PDE7B: variants seen among roughly 807,000 people sequenced by gnomAD.
PDE7B encodes 3',5'-cyclic-AMP phosphodiesterase 7B.
In PDE7B, 29 loss-of-function variants were observed where a neutral mutation model predicts 56.2. The ratio of observed to expected loss-of-function variants is 0.52; its 90% CI spans 0.38 to 0.70. The LOEUF (loss-of-function observed/expected upper bound fraction) is 0.70. PDE7B is among the 30% of genes least tolerant of loss of function. The pLI is 0.00. For synonymous variants in PDE7B, 197 were observed against 196.9 expected, an observed-to-expected ratio of 1.00 and a Z score of 0.00; for missense variants, 490 against 565.0, an observed-to-expected ratio of 0.87 and a Z score of 1.35.
intron 2 of PDE7B, among the ~76,000 whole-genome samples, chr6:136,071,755 T>A (rs777693482): frequency 4.6e-5 from 7 of 152,164 alleles, no homozygotes; most frequent in Non-Finnish European, 8.8e-5. Flanking sequence ...ATCACACCAC[T>A]GCACTCCAGC....
rs555660145 is a variant in PDE7B at position 136,077,036 on chromosome 6, C to A, written c.83-31695C>A. 3.0e-4 allele frequency among the ~76,000 whole-genome samples: 45 copies of A among 149,926 alleles called. No homozygotes were observed. In the South Asian group the frequency reaches 9.3e-3, roughly 31 times the overall value. ...TGTCAATTTCTTTCTTCTTATGTAC[C>A]CTGTGCCAGGGAGCCTGGAGGATGT... On this transcript the variant is annotated intron_variant, in intron 2 of 12. Coordinates refer to ENST00000308191, the MANE Select transcript of PDE7B (RefSeq NM_018945.4).
At chr6:135,963,820 T>C (rs1774947213) in intron 2 of PDE7B, among the ~76,000 whole-genome samples, 1 of 152,204 alleles carries the variant, frequency 6.6e-6, no homozygotes, top group South Asian at 2.1e-4. Flanking sequence ...TTTTTTCTAT[T>C]TTTAATGAAG....
intron 1 of PDE7B, among the ~76,000 whole-genome samples, chr6:135,921,364 A>G (rs796783280): frequency 9.2e-5 from 14 of 152,280 alleles, no homozygotes; most frequent in African/African-American, 3.1e-4. Context: ...CGATGAAAGA[A>G]CCCAACAGGC....
chr6:135,869,412 A>T (rs528214759), intron 1 of PDE7B, among the ~76,000 whole-genome samples: 1 of 152,308 alleles, frequency 6.6e-6, no homozygotes, highest in Non-Finnish European at 1.5e-5. Context: ...CCCCATCTTG[A>T]AGAACAAACT....
intron 2 of PDE7B, among the ~76,000 whole-genome samples, chr6:136,105,856 C>T (rs367969356): frequency 3.9e-5 from 6 of 152,276 alleles, no homozygotes; most frequent in Admixed American, 2.6e-4. Flanking sequence ...AATGGGCCTC[C>T]GCTGCCCTAG....
At chr6:136,186,544 G>A (rs1198062965) in intron 11 of PDE7B, among the ~76,000 whole-genome samples, 1 of 152,150 alleles carries the variant, frequency 6.6e-6, no homozygotes, top group Non-Finnish European at 1.5e-5. Flanking sequence ...TGGTTACAGA[G>A]TGAGGTGCTA....
intron 1 of PDE7B, among the ~76,000 whole-genome samples, chr6:135,856,743 A>T (rs1405903001): frequency 6.6e-6 from 1 of 152,226 alleles, no homozygotes; most frequent in Non-Finnish European, 1.5e-5. Context: ...AAACCTAAAA[A>T]CAACGTAACA....
In PDE7B at chr6:135,935,196, A is replaced by ATATATATT. The variant is rs1265545848; in HGVS notation, c.22-12261_22-12260insTTATATAT. On this transcript the variant is annotated intron_variant, in intron 1 of 12. Transcript: ENST00000308191. ...TTTATATATATATATTTATTTATAT[A>ATATATATT]TATATATATATATATATATATTTTC... Among the ~76,000 whole-genome samples the ATATATATT allele has an allele frequency of 3.8e-5, 3 of 79,446 alleles. 1 individual carries two copies. The highest frequency in any genetic ancestry group is 3.3e-4 in the Admixed American group (2 of 6,096). 52.1% of individuals were successfully genotyped at this position (79,446 alleles called of 152,430 possible).
intron 1 of PDE7B, among the ~76,000 whole-genome samples, chr6:135,857,044 CCCTCCCTCCCTT>C (rs1775046560): frequency 4.9e-5 from 3 of 61,010 alleles, no homozygotes; most frequent in Admixed American, 3.5e-4. Flanking sequence ...CTCCCTCCCT[CCCTCCCTCCCTT>C]CCTTCCTCCC....
At chr6:136,040,071 C>A (rs941780192) in intron 2 of PDE7B, among the ~76,000 whole-genome samples, 3 of 152,088 alleles carry the variant, frequency 2.0e-5, no homozygotes, top group African/African-American at 7.2e-5. Context: ...ACTCCTGTAG[C>A]TTCTTATTAC....
chr6:135,873,628 T>C (rs1775432534), intron 1 of PDE7B, among the ~76,000 whole-genome samples: 1 of 152,132 alleles, frequency 6.6e-6, no homozygotes, highest in Non-Finnish European at 1.5e-5. Flanking sequence ...ATTGTTTTTA[T>C]CTTCATTGTG....
At position 136,123,089 on chromosome 6, in the gene PDE7B, G is replaced by A. The variant is rs551947026; in HGVS notation, c.166+14275G>A. Among the ~76,000 whole-genome samples the A allele has an allele frequency of 3.8e-4, 8 of 21,294 alleles. No individual in the cohort carries two copies. The South Asian group carries it at 0.011, about 30-fold the overall frequency. The allele number at this position is 21,294 out of a possible 152,430, so 14.0% of individuals were successfully genotyped here. On this transcript the variant is annotated intron_variant, in intron 3 of 12. Coordinates refer to ENST00000308191, the MANE Select transcript of PDE7B (RefSeq NM_018945.4). ...AAAGGCCTCTTCTCCATCTAGGTGC[G>A]GTGGCTAATCCCGCACTTTGGGAGG...
At chr6:136,034,315 G>C (rs980411227) in intron 2 of PDE7B, 1 of 152,086 alleles carries the variant, frequency 6.6e-6, no homozygotes, top group Non-Finnish European at 1.5e-5. Context: ...CATAATCCAG[G>C]TTCTAAATCA....
intron 2 of PDE7B, among the ~76,000 whole-genome samples, chr6:135,974,520 G>A (rs1046007695): frequency 3.2e-4 from 48 of 152,078 alleles, no homozygotes; most frequent in Admixed American, 3.3e-4. Context: ...AATTTCTGGT[G>A]AAAGAAAAGA....
At chr6:135,944,638 C>T (rs1774562422) in intron 1 of PDE7B, among the ~76,000 whole-genome samples, 1 of 152,096 alleles carries the variant, frequency 6.6e-6, no homozygotes, top group African/African-American at 2.4e-5. Context: ...GCCAGTGAAC[C>T]CAGGCAGGCC....
chr6:135,870,738 G>A (rs1046117329), intron 1 of PDE7B, among the ~76,000 whole-genome samples: 11 of 151,598 alleles, frequency 7.3e-5, no homozygotes, highest in African/African-American at 2.7e-4. Flanking sequence ...TGAAAAGTCT[G>A]GAATTCAGAA....
At chr6:135,896,080 A>G (rs2128190870) in intron 1 of PDE7B, among the ~76,000 whole-genome samples, 1 of 152,310 alleles carries the variant, frequency 6.6e-6, no homozygotes, top group South Asian at 2.1e-4. Flanking sequence ...GCTATTTACA[A>G]GAAGTTTAAC....
At chr6:135,968,760 A>G (rs1413158840) in intron 2 of PDE7B, among the ~76,000 whole-genome samples, 1 of 152,160 alleles carries the variant, frequency 6.6e-6, no homozygotes, top group East Asian at 1.9e-4. Flanking sequence ...CAGAAATACC[A>G]TATTTGACCC....
chr6:136,127,110 T>A (rs1261940310), intron 3 of PDE7B, among the ~76,000 whole-genome samples: 1 of 152,188 alleles, frequency 6.6e-6, no homozygotes. Context: ...CAGATCATTA[T>A]AAACAGGCTT....
Sources: gnomAD v4.1 joint callset for allele counts (sites outside exome capture counted in the v4.1 genomes callset) on GRCh38, gnomAD v4.1.1 for gene constraint, MANE v1.5 for transcripts, NCBI Gene and HGNC (gene_info 2026-07-23, HGNC 2026-07-21) for gene names.